Variants in CACNA2D4 observed in about 807,000 individuals in gnomAD.
The protein encoded by CACNA2D4 is voltage-dependent calcium channel subunit alpha-2/delta-4.
CACNA2D4 carries 157 observed loss-of-function variants against 163.8 expected under a neutral mutation model. The observed-to-expected ratio is 0.96, with a 90% confidence interval of 0.84 to 1.09. CACNA2D4 has a LOEUF of 1.09. Among genes scored for constraint, CACNA2D4 ranks in the 50% least tolerant of loss-of-function variants. CACNA2D4 has a pLI of 0.00. For synonymous variants in CACNA2D4, 598 were observed against 586.9 expected (o/e 1.02, Z -0.27); for missense variants, 1,410 against 1,479.9 (o/e 0.95, Z 0.78).
At position 1,824,997 on chromosome 12, in the gene CACNA2D4, C is replaced by T. The variant is rs538079059; in HGVS notation, c.2552-13274G>A. Among the ~76,000 whole-genome samples, 6 of 152,324 alleles carry T rather than the reference C, an allele frequency of 3.9e-5. No individual in the cohort carries two copies. In the East Asian group the frequency reaches 9.7e-4, roughly 25 times the overall value. On this transcript the variant is annotated intron_variant, in intron 26 of 37. Coordinates refer to ENST00000382722, the MANE Select transcript of CACNA2D4 (RefSeq NM_172364.5). The stretch of plus-strand genomic sequence containing the variant: ...CTGCTAAGAGAGCACAGGGCATATC[C>T]GCATGAACCTGGGGGCCTTGTTTTC...
At chr12:1,899,826 A>G (rs184235123) in intron 6 of CACNA2D4, among the ~76,000 whole-genome samples, 1 of 152,304 alleles carries the variant, frequency 6.6e-6, no homozygotes, top group African/African-American at 2.4e-5. Context: ...AAGGAATGAA[A>G]AATTAAGGGA....
rs1188501850 is a variant in CACNA2D4 at position 1,798,589 on chromosome 12, G to A, written c.2996-1054C>T. ...ATGGCAGGGTTGAGTGGCGTCCCCA[G>A]GGTCACGCAGTGGAAGGGGCTGCAG... On this transcript the variant is annotated intron_variant, in intron 34 of 37. Transcript: ENST00000382722. The surrounding 1 kb of genome is among the most constrained non-coding windows in gnomAD (Gnocchi z 4.3). 3.3e-5 allele frequency among the ~76,000 whole-genome samples: 5 copies of A among 152,244 alleles called. No homozygotes were observed. The East Asian group carries it at 7.8e-4, about 24-fold the overall frequency.
chr12:1,883,032 G>A lies in CACNA2D4; in HGVS notation c.1352-32C>T, dbSNP rs768484301. The A allele has an allele frequency of 1.0e-5, 16 of 1,601,260 alleles. No homozygotes were observed. Among genetic ancestry groups the A allele is most frequent in the Non-Finnish European group, 1.2e-5 (14 of 1,173,552 alleles). On this transcript the variant is annotated intron_variant, in intron 12 of 37. Transcript: ENST00000382722. This position sits in a 1 kb window ranked among gnomAD's most constrained non-coding sequence, Gnocchi z 4.5. ...TGGGGAAGGCCGCGTGGGTGTGGAA[G>A]GCAGGGCTTCCCTGGGAACCCCTCG... is the stretch of plus-strand genomic sequence containing the variant.
At position 1,793,563 on chromosome 12, in the gene CACNA2D4, A is replaced by G. The variant is rs1320031072; in HGVS notation, c.*92T>C. The G allele has an allele frequency of 1.2e-5, 14 of 1,133,342 alleles. No individual in the cohort carries two copies. The highest frequency in any genetic ancestry group is 5.5e-5 in the Admixed American group (3 of 54,298). The allele number at this position is 1,133,342 out of a possible 1,614,324, so 70.2% of individuals were successfully genotyped here. A position where few individuals can be genotyped will look rare whatever the true frequency, so the allele number is the denominator to read the frequency against. On this transcript the variant is annotated 3_prime_UTR_variant, in exon 38 of 38. Transcript: ENST00000382722. ...GGAGCGTTGGCCTGGGGGCGACCCAACTGCAGTTAGCTGCATCCCATGTCA... is the reference window on the plus strand; with the variant it reads ...GGAGCGTTGGCCTGGGGGCGACCCAGCTGCAGTTAGCTGCATCCCATGTCA...
chr12:1,872,671 G>A (rs989209299), intron 18 of CACNA2D4, among the ~76,000 whole-genome samples: 1 of 152,172 alleles, frequency 6.6e-6, no homozygotes, highest in African/African-American at 2.4e-5. Context: ...CCACTTTGGG[G>A]ATGAGTGGCA....
At chr12:1,884,725 C>T in intron 11 of CACNA2D4, 43 bp downstream of exon 11, 1 of 1,312,060 alleles carries the variant, frequency 7.6e-7, no homozygotes. Flanking sequence ...TCCATGGCAG[C>T]AGGAGAAGCT....
At chr12:1,832,214 G>A (rs553734413) in intron 26 of CACNA2D4, among the ~76,000 whole-genome samples, 6 of 152,300 alleles carry the variant, frequency 3.9e-5, no homozygotes, top group East Asian at 1.9e-4. Flanking sequence ...CCAGGTCTGC[G>A]TCTGAATTTC....
intron 35 of CACNA2D4, 157 bp from the exon 36 acceptor site, chr12:1,795,937 G>A (rs1592644164): frequency 1.6e-6 from 1 of 633,016 alleles, no homozygotes; most frequent in South Asian, 1.7e-5. Flanking sequence ...GAACGGGCCT[G>A]GCAGATGGCT....
In CACNA2D4 at chr12:1,843,566, G is replaced by A. The variant is rs764789467; in HGVS notation, c.2470+836C>T. Among the ~76,000 whole-genome samples the A allele has an allele frequency of 6.6e-6, 1 of 152,200 alleles. No homozygotes were observed. The highest frequency in any genetic ancestry group is 1.5e-5 in the Non-Finnish European group (1 of 68,030). On this transcript the variant is annotated intron_variant, in intron 25 of 37. Coordinates refer to ENST00000382722, the MANE Select transcript of CACNA2D4 (RefSeq NM_172364.5). This position sits in a 1 kb window ranked among gnomAD's most constrained non-coding sequence, Gnocchi z 4.6. ...CACCTGGTGGAGGGGTGGTGGAGGG[G>A]TGGCTGTGCCATGCACTCTGGGATC...
Position 1,797,463 on chromosome 12 carries a change from G to A in CACNA2D4, c.3068C>T (p.Ala1023Val). Residue 1023 changes from alanine (A) to valine (V), a missense_variant, in exon 35 of 38, where the codon GCC becomes GTC. By Grantham distance (64) the Ala-to-Val change is moderately conservative (BLOSUM62 0). Transcript: ENST00000382722. ...TEYPVFVYQP[A>V]IREANGIVEC... The stretch of plus-strand genomic sequence containing the variant: ...CACGATCCCGTTGGCCTCCCGGATG[G>A]CCGGCTGGTACACGAACACGGGGTA... 2 of 1,583,766 alleles carry A rather than the reference G, an allele frequency of 1.3e-6. No homozygotes were observed. The highest frequency in any genetic ancestry group is 1.8e-5 in the Admixed American group (1 of 56,928).
intron 26 of CACNA2D4, among the ~76,000 whole-genome samples, chr12:1,819,831 C>G (rs1043293321): frequency 6.6e-6 from 1 of 152,118 alleles, no homozygotes. Context: ...GAACGGTCTG[C>G]AGGCTGCTGC....
In CACNA2D4 at chr12:1,811,257, C is replaced by T. The variant is rs1037548228; in HGVS notation, c.2613+405G>A. Among the ~76,000 whole-genome samples, 8 of 152,312 alleles carry T rather than the reference C, an allele frequency of 5.3e-5. No homozygotes were observed. In the East Asian group the frequency reaches 1.5e-3, roughly 29 times the overall value. On this transcript the variant is annotated intron_variant, in intron 27 of 37. Coordinates refer to ENST00000382722, the MANE Select transcript of CACNA2D4 (RefSeq NM_172364.5). ...TCTGGGGAAGCAGAGGGGAAAGGAG[C>T]CAGTAGAACGGACAGGACGAGGCCA...
chr12:1,894,726 G>A (rs1866362417), intron 6 of CACNA2D4, among the ~76,000 whole-genome samples: 1 of 152,058 alleles, frequency 6.6e-6, no homozygotes, highest in Non-Finnish European at 1.5e-5. Flanking sequence ...AGGCATAGAA[G>A]GAAAATACCT....
intron 22 of CACNA2D4, 89 bp from the exon 23 acceptor site, chr12:1,854,133 T>A (rs1046636520): frequency 2.1e-6 from 2 of 969,908 alleles, no homozygotes; most frequent in Non-Finnish European, 3.0e-6. Context: ...GGAGAAGATG[T>A]GCTTCCTGAA....
At chr12:1,839,540 G>A (rs1864965066) in intron 26 of CACNA2D4, among the ~76,000 whole-genome samples, 1 of 152,328 alleles carries the variant, frequency 6.6e-6, no homozygotes, top group African/African-American at 2.4e-5. Flanking sequence ...TCAAATCCCA[G>A]CCTCATTCAT....
Position 1,818,862 on chromosome 12 carries a change from A to G in CACNA2D4, c.2552-7139T>C, listed in dbSNP as rs561123920. Among the ~76,000 whole-genome samples the G allele has an allele frequency of 2.4e-3, 362 of 149,614 alleles. 4 individuals carry two copies. Among genetic ancestry groups the G allele is most frequent in the African/African-American group, 8.2e-3 (332 of 40,430 alleles). On this transcript the variant is annotated intron_variant, in intron 26 of 37. Transcript: ENST00000382722. ...GGACACAAACACTGCGGAAGGCGGC[A>G]GGGCCCTCTGCCTAGGAAAACCAGA...
rs1865110428 is a variant in CACNA2D4, at chr12:1,844,926, T to G, written c.2343-397A>C. Among the ~76,000 whole-genome samples, 1 of 152,168 alleles carries G rather than the reference T, an allele frequency of 6.6e-6. No individual in the cohort carries two copies. On this transcript the variant is annotated intron_variant, in intron 24 of 37. Coordinates refer to ENST00000382722, the MANE Select transcript of CACNA2D4 (RefSeq NM_172364.5). The surrounding 1 kb of genome is among the most constrained non-coding windows in gnomAD (Gnocchi z 4.2). ...GCATCAATCCCCCCAAATGGTTCCT[T>G]CAACAGGATTGCCTCTAGGTTTTTG... is the stretch of plus-strand genomic sequence containing the variant.
At chr12:1,825,891 G>C (rs754680676) in intron 26 of CACNA2D4, among the ~76,000 whole-genome samples, 3 of 152,214 alleles carry the variant, frequency 2.0e-5, no homozygotes, top group Non-Finnish European at 4.4e-5. Flanking sequence ...TCTGCCTTGG[G>C]TGGCCGTGGA....
At chr12:1,808,231 C>G (rs868159382) in intron 29 of CACNA2D4, among the ~76,000 whole-genome samples, 9 of 152,278 alleles carry the variant, frequency 5.9e-5, no homozygotes, top group African/African-American at 2.2e-4. Flanking sequence ...AGGGCCGCCT[C>G]CCCGCACGGT....
Sources: allele counts gnomAD v4.1 joint callset (sites outside exome capture counted in the v4.1 genomes callset), GRCh38; gene constraint gnomAD v4.1.1; non-coding constraint Gnocchi (gnomAD v3.1); transcripts MANE v1.5; gene names NCBI Gene and HGNC (gene_info 2026-07-23, HGNC 2026-07-21).